DLGAP2: variants seen among roughly 807,000 people sequenced by gnomAD.
DLGAP2 encodes disks large-associated protein 2.
DLGAP2 carries 26 observed loss-of-function variants against 100.3 expected under a neutral mutation model. The observed-to-expected ratio is 0.26, with a 90% CI of 0.19 to 0.36. DLGAP2 has a LOEUF of 0.36. Ranked by LOEUF, DLGAP2 falls within the 10% of genes least tolerant of loss-of-function variation. DLGAP2 has a pLI of 1.00. For synonymous variants in DLGAP2, 886 were observed against 630.1 expected (o/e 1.41, Z -6.08); for missense variants, 1,858 against 1,453.2 (o/e 1.28, Z -4.53).
intron 1 of DLGAP2, among the ~76,000 whole-genome samples, chr8:809,467 T>TC (rs1796328528): frequency 6.6e-6 from 1 of 151,774 alleles, no homozygotes; most frequent in Non-Finnish European, 1.5e-5. Context: ...GGTTTTTTTT[T>TC]TTTTGTGGCT....
intron 2 of DLGAP2, among the ~76,000 whole-genome samples, chr8:1,017,884 C>T (rs1801513613): frequency 6.6e-6 from 1 of 152,220 alleles, no homozygotes; most frequent in Non-Finnish European, 1.5e-5. Context: ...TGCATCCTGC[C>T]ACTGAGTTTG....
chr8:1,039,500 A>G (rs1434141388), intron 2 of DLGAP2, among the ~76,000 whole-genome samples: 22 of 98,430 alleles, frequency 2.2e-4, no homozygotes, highest in East Asian at 7.0e-4. Context: ...CTCGGTGTGC[A>G]TGGTCGGCTC....
At chr8:1,113,616 C>G (rs1805027298) in intron 2 of DLGAP2, among the ~76,000 whole-genome samples, 1 of 152,186 alleles carries the variant, frequency 6.6e-6, no homozygotes. Flanking sequence ...CTGGGGTTTT[C>G]TAGATATAGA....
At chr8:1,338,814 CAG>C (rs1801349184) in intron 3 of DLGAP2, among the ~76,000 whole-genome samples, 1 of 150,866 alleles carries the variant, frequency 6.6e-6, no homozygotes, top group Non-Finnish European at 1.5e-5. Context: ...GGAGAGAATG[CAG>C]TGACCTAAGG....
chr8:1,389,830 G>C (rs1288134911), intron 3 of DLGAP2, among the ~76,000 whole-genome samples: 1 of 152,088 alleles, frequency 6.6e-6, no homozygotes, highest in African/African-American at 2.4e-5. Flanking sequence ...CGCAGACCCA[G>C]ATCTGCCCCA....
chr8:1,110,111 T>C (rs900405052), intron 2 of DLGAP2, among the ~76,000 whole-genome samples: 1 of 135,170 alleles, frequency 7.4e-6, no homozygotes, highest in African/African-American at 2.9e-5. Context: ...TGTGCATGGG[T>C]CTGTGAGGTG....
intron 1 of DLGAP2, among the ~76,000 whole-genome samples, chr8:889,946 A>T (rs1798000370): frequency 6.6e-6 from 1 of 152,068 alleles, no homozygotes; most frequent in African/African-American, 2.4e-5. Context: ...GGAAAAGCAA[A>T]GTTTCCCCCG....
intron 2 of DLGAP2, among the ~76,000 whole-genome samples, chr8:1,131,317 C>A (rs2129049124): frequency 6.6e-6 from 1 of 152,244 alleles, no homozygotes; most frequent in Non-Finnish European, 1.5e-5. Context: ...CGGCTGAAAA[C>A]AGCACCTTCA....
chr8:1,311,703 T>TA (rs71190721), intron 3 of DLGAP2, among the ~76,000 whole-genome samples: 59,737 of 146,578 alleles, frequency 0.41, 11,885 homozygotes, highest in South Asian at 0.52. Flanking sequence ...CTGTTCATGA[T>TA]AAAAAAAAAA....
intron 2 of DLGAP2, among the ~76,000 whole-genome samples, chr8:1,067,811 C>A (rs1483545941): frequency 6.6e-6 from 1 of 151,958 alleles, no homozygotes; most frequent in African/African-American, 2.4e-5. Context: ...ACGTCATCCT[C>A]ACCCGGAGTC....
intron 1 of DLGAP2, among the ~76,000 whole-genome samples, chr8:762,325 C>A (rs1273713377): frequency 6.6e-6 from 1 of 152,156 alleles, no homozygotes; most frequent in Non-Finnish European, 1.5e-5. Flanking sequence ...CTCATGGTCA[C>A]AGGGTGTTTT....
intron 3 of DLGAP2, among the ~76,000 whole-genome samples, chr8:1,488,317 T>C (rs2130272403): frequency 6.6e-6 from 1 of 152,278 alleles, no homozygotes; most frequent in Non-Finnish European, 1.5e-5. Flanking sequence ...GGGGTGGCTC[T>C]TCCATGGAGG....
At chr8:1,190,141 G>C (rs192903292) in intron 2 of DLGAP2, among the ~76,000 whole-genome samples, 2 of 152,270 alleles carry the variant, frequency 1.3e-5, no homozygotes, top group East Asian at 3.9e-4. Flanking sequence ...TGTAGGGCCT[G>C]AGTTGAGTTA....
At chr8:1,077,061 C>T (rs1264761103) in intron 2 of DLGAP2, among the ~76,000 whole-genome samples, 2 of 151,890 alleles carry the variant, frequency 1.3e-5, no homozygotes, top group Admixed American at 1.3e-4. Flanking sequence ...AGGAGTCTGT[C>T]CCGGGCTCCC....
At chr8:1,180,307 G>T (rs548176924) in intron 2 of DLGAP2, among the ~76,000 whole-genome samples, 1 of 152,306 alleles carries the variant, frequency 6.6e-6, no homozygotes, top group East Asian at 1.9e-4. Context: ...ACTGCAGAGC[G>T]TTCCCTCCTG....
intron 3 of DLGAP2, among the ~76,000 whole-genome samples, chr8:1,354,255 C>T (rs1291068834): frequency 1.3e-5 from 2 of 152,152 alleles, no homozygotes; most frequent in Non-Finnish European, 2.9e-5. Context: ...CCTGTAATCC[C>T]AGCACTTTGG....
intron 4 of DLGAP2, among the ~76,000 whole-genome samples, chr8:1,547,071 T>G (rs1182890690): frequency 6.6e-6 from 1 of 151,994 alleles, no homozygotes; most frequent in African/African-American, 2.4e-5. Context: ...ATTCCAGGCC[T>G]GGGAGGAGAG....
intron 2 of DLGAP2, among the ~76,000 whole-genome samples, chr8:1,227,153 GATATATATATAT>G (rs759172816): frequency 3.3e-5 from 3 of 89,750 alleles, no homozygotes; most frequent in African/African-American, 1.3e-4. Flanking sequence ...GAAACTGTGA[GATATATATATAT>G]ATATATATAG....
intron 2 of DLGAP2, among the ~76,000 whole-genome samples, chr8:982,307 A>C (rs1800359238): frequency 6.6e-6 from 1 of 152,350 alleles, no homozygotes; most frequent in African/African-American, 2.4e-5. Flanking sequence ...GGCACTCAGC[A>C]TGTGCGACAG....
Sources: allele counts gnomAD v4.1 joint callset (sites outside exome capture counted in the v4.1 genomes callset), GRCh38; gene constraint gnomAD v4.1.1; transcripts MANE v1.5; gene names NCBI Gene and HGNC (gene_info 2026-07-23, HGNC 2026-07-21).